SPAG16: variants seen among roughly 807,000 people sequenced by gnomAD.
The protein encoded by SPAG16 is sperm-associated antigen 16 protein.
In SPAG16, 86 loss-of-function variants were observed where a neutral mutation model predicts 80.4. The ratio of observed to expected loss-of-function variants is 1.07; its 90% CI spans 0.90 to 1.28. SPAG16 has a LOEUF of 1.28. Ranked by LOEUF, SPAG16 falls within the 50% of genes most tolerant of loss-of-function variation. SPAG16 has a pLI of 0.00. For synonymous variants in SPAG16, 294 were observed against 265.9 expected (o/e 1.11, Z -1.03); for missense variants, 870 against 765.3 (o/e 1.14, Z -1.61).
At chr2:213,700,424 A>G (rs1574856904) in intron 10 of SPAG16, among the ~76,000 whole-genome samples, 2 of 147,892 alleles carry the variant, frequency 1.4e-5, no homozygotes, top group Non-Finnish European at 3.1e-5. Context: ...ATAACACATC[A>G]TATTTATATC....
At chr2:214,016,811 A>G (rs2047613078) in intron 13 of SPAG16, among the ~76,000 whole-genome samples, 1 of 152,238 alleles carries the variant, frequency 6.6e-6, no homozygotes, top group Admixed American at 6.5e-5. Context: ...CAATGACTAC[A>G]GTTGACTCTA....
At chr2:213,908,269 G>A (rs2106154653) in intron 11 of SPAG16, among the ~76,000 whole-genome samples, 1 of 152,256 alleles carries the variant, frequency 6.6e-6, no homozygotes, top group South Asian at 2.1e-4. Flanking sequence ...ACAAGGCATG[G>A]GAGACCTTAG....
At chr2:213,752,778 G>T (rs570199378) in intron 10 of SPAG16, among the ~76,000 whole-genome samples, 200 of 152,204 alleles carry the variant, frequency 1.3e-3, no homozygotes, top group African/African-American at 4.6e-3. Context: ...CCGGTGTGGT[G>T]GGGGAGTTTC....
chr2:214,130,811 T>C (rs938151706), intron 14 of SPAG16, among the ~76,000 whole-genome samples: 16 of 152,286 alleles, frequency 1.1e-4, no homozygotes, highest in Middle Eastern at 3.4e-3. Flanking sequence ...TTTTAGTGCT[T>C]TTAGAAGAGG....
chr2:213,461,321 A>T (rs1336063842), intron 9 of SPAG16, among the ~76,000 whole-genome samples: 1 of 152,216 alleles, frequency 6.6e-6, no homozygotes, highest in East Asian at 1.9e-4. Flanking sequence ...GCAGTATAAG[A>T]TAATGTTAGA....
chr2:214,074,019 T>C (rs1479031460), intron 13 of SPAG16, among the ~76,000 whole-genome samples: 3 of 152,294 alleles, frequency 2.0e-5, no homozygotes, highest in South Asian at 4.2e-4. Flanking sequence ...AGTGAGGCTA[T>C]TGGGAGGTAA....
intron 9 of SPAG16, among the ~76,000 whole-genome samples, chr2:213,476,444 C>G (rs914034394): frequency 6.6e-6 from 1 of 152,150 alleles, no homozygotes; most frequent in Non-Finnish European, 1.5e-5. Flanking sequence ...GGGGGATTGA[C>G]AAAATCCTCC....
intron 10 of SPAG16, among the ~76,000 whole-genome samples, chr2:213,668,043 C>CA (rs1357914147): frequency 2.6e-5 from 4 of 151,950 alleles, no homozygotes; most frequent in African/African-American, 9.7e-5. Flanking sequence ...TGAGTTCGAG[C>CA]AATTCTCCTG....
intron 15 of SPAG16, among the ~76,000 whole-genome samples, chr2:214,157,631 G>C (rs2056271529): frequency 6.6e-6 from 1 of 151,980 alleles, no homozygotes; most frequent in African/African-American, 2.4e-5. Context: ...TGTCCATTCT[G>C]ATTGGTTGGT....
At chr2:214,105,146 G>T (rs116590084) in intron 13 of SPAG16, among the ~76,000 whole-genome samples, 1 of 152,108 alleles carries the variant, frequency 6.6e-6, no homozygotes. Flanking sequence ...TTAGTAGAGA[G>T]CCTGGCATAG....
At chr2:213,956,394 T>G (rs2044137859) in intron 12 of SPAG16, among the ~76,000 whole-genome samples, 1 of 151,958 alleles carries the variant, frequency 6.6e-6, no homozygotes, top group Admixed American at 6.6e-5. Context: ...GTTCCTTAAG[T>G]TCCTTAAGTA....
chr2:213,298,653 C>T (rs2062604698), intron 3 of SPAG16, among the ~76,000 whole-genome samples: 1 of 152,146 alleles, frequency 6.6e-6, no homozygotes, highest in Non-Finnish European at 1.5e-5. Context: ...GTTTGTAATG[C>T]AAAGATAAAT....
At chr2:213,524,586 C>T (rs2075813077) in intron 10 of SPAG16, among the ~76,000 whole-genome samples, 1 of 152,228 alleles carries the variant, frequency 6.6e-6, no homozygotes, top group African/African-American at 2.4e-5. Flanking sequence ...TGGGAGCCCA[C>T]CTCCTGCATC....
At chr2:213,874,248 C>T (rs2076057525) in intron 11 of SPAG16, among the ~76,000 whole-genome samples, 1 of 152,068 alleles carries the variant, frequency 6.6e-6, no homozygotes, top group Admixed American at 6.6e-5. Flanking sequence ...GTTTTAAAAT[C>T]ATTTTTCTTC....
At chr2:214,317,737 C>T (rs1234990418) in intron 15 of SPAG16, among the ~76,000 whole-genome samples, 1 of 152,184 alleles carries the variant, frequency 6.6e-6, no homozygotes. Context: ...TAGACACAAC[C>T]ATGGGCAGGG....
At chr2:213,791,229 T>C (rs1191689402) in intron 10 of SPAG16, among the ~76,000 whole-genome samples, 2 of 152,070 alleles carry the variant, frequency 1.3e-5, no homozygotes, top group Non-Finnish European at 2.9e-5. Flanking sequence ...GGAATGTGTG[T>C]GTGGGTTTGT....
intron 13 of SPAG16, among the ~76,000 whole-genome samples, chr2:214,052,384 G>A (rs1053218926): frequency 1.3e-5 from 2 of 152,138 alleles, no homozygotes; most frequent in Non-Finnish European, 2.9e-5. Flanking sequence ...ACGTTTTCTG[G>A]TTTAACTCAG....
chr2:214,026,827 A>T (rs2048154295), intron 13 of SPAG16, among the ~76,000 whole-genome samples: 1 of 151,546 alleles, frequency 6.6e-6, no homozygotes, highest in Admixed American at 6.6e-5. Context: ...ACTCTTAATT[A>T]TGTACTATAC....
At chr2:214,137,869 T>C (rs1222964228) in intron 14 of SPAG16, among the ~76,000 whole-genome samples, 2 of 152,178 alleles carry the variant, frequency 1.3e-5, no homozygotes, top group Non-Finnish European at 2.9e-5. Context: ...AATCTGATTG[T>C]ATTGCAGTTT....
Sources: gnomAD v4.1 joint callset for allele counts (sites outside exome capture counted in the v4.1 genomes callset) on GRCh38, gnomAD v4.1.1 for gene constraint, MANE v1.5 for transcripts, NCBI Gene and HGNC (gene_info 2026-07-23, HGNC 2026-07-21) for gene names.